HCN2: variants seen among roughly 807,000 people sequenced by gnomAD.
The protein encoded by HCN2 is potassium/sodium hyperpolarization-activated cyclic nucleotide-gated channel 2.
Under a neutral mutation model 52.3 loss-of-function variants are expected in HCN2, and 20 were observed. The observed-to-expected ratio is 0.38, with a 90% CI of 0.27 to 0.56. HCN2 has a LOEUF of 0.56. Ranked by LOEUF, HCN2 falls within the 20% of genes least tolerant of loss-of-function variation. HCN2 has a pLI of 0.71. For synonymous variants in HCN2, 694 were observed against 537.0 expected, an observed-to-expected ratio of 1.29 and a Z score of -4.04; for missense variants, 981 against 1,207.7, an observed-to-expected ratio of 0.81 and a Z score of 2.78.
At chr19:607,309 C>T (rs934772092) in intron 3 of HCN2, among the ~76,000 whole-genome samples, 1 of 152,276 alleles carries the variant, frequency 6.6e-6, no homozygotes, top group Non-Finnish European at 1.5e-5. Flanking sequence ...GCCTTTGTCC[C>T]TGCCTGGGGA....
chr19:616,069 G>A lies in HCN2; in HGVS notation c.2265G>A (p.Pro755=), dbSNP rs1404331766. 13 of 1,102,026 alleles carry A rather than the reference G, an allele frequency of 1.2e-5. No homozygotes were observed. The highest frequency in any genetic ancestry group is 1.4e-5 in the Non-Finnish European group (13 of 906,800). 68.3% of individuals were successfully genotyped at this position (1,102,026 alleles called of 1,614,324 possible). The change falls in exon 8 of 8, where the codon CCG becomes CCA. Residue 755 remains proline, a synonymous_variant. Coordinates refer to ENST00000251287, the MANE Select transcript of HCN2 (RefSeq NM_001194.4). Reference sequence around the variant, plus strand: ...TGGGGCCGCTGGCGCTCGGCTCGCCGCGCCTCGTGCGCCGCCCGCCCCCGG... The same window carrying A: ...TGGGGCCGCTGGCGCTCGGCTCGCCACGCCTCGTGCGCCGCCCGCCCCCGG... The part of the protein sequence containing the change: ...PLVGPLALGS[P]RLVRRPPPGP...
chr19:589,954 G>A lies in HCN2; in HGVS notation c.9G>A (p.Ala3=). Reference sequence around the variant, plus strand: ...CCCGGCGCCGCCTCGCCATGGACGCGCGCGGGGGCGGCGGGCGGCCCGGGG... The same window carrying A: ...CCCGGCGCCGCCTCGCCATGGACGCACGCGGGGGCGGCGGGCGGCCCGGGG... MD[A]RGGGGRPGES... The change falls in exon 1 of 8, where the codon GCG becomes GCA. Residue 3 remains alanine, a synonymous_variant. Transcript: ENST00000251287. The A allele has an allele frequency of 1.1e-6, 1 of 928,716 alleles. No individual in the cohort carries two copies. The highest frequency in any genetic ancestry group is 1.3e-6 in the Non-Finnish European group (1 of 792,292). The allele number at this position is 928,716 out of a possible 1,614,324, so 57.5% of individuals were successfully genotyped here.
chr19:608,196 G>A lies in HCN2; in HGVS notation c.1437+14G>A, dbSNP rs980482812. The A allele has an allele frequency of 6.2e-6, 10 of 1,610,068 alleles. No individual in the cohort carries two copies. The highest frequency in any genetic ancestry group is 1.7e-5 in the Admixed American group (1 of 59,972). ...TACCAGGAGAAGGTCTGAGGGAGGC[G>A]GGCCCCGGCCTGGGTTCTGATGGGG... is the stretch of plus-strand genomic sequence containing the variant. On this transcript the variant is annotated intron_variant, in intron 4 of 7. Transcript: ENST00000251287.
chr19:605,728 G>A (rs1455695177), intron 3 of HCN2, among the ~76,000 whole-genome samples: 1 of 113,322 alleles, frequency 8.8e-6, no homozygotes, highest in Non-Finnish European at 1.8e-5. Context: ...TGGAGGGGAG[G>A]ACTCGGGCCC....
At position 615,778 on chromosome 19, in the gene HCN2, C is replaced by T. The variant is rs775217922; in HGVS notation, c.1991-17C>T. The stretch of plus-strand genomic sequence containing the variant: ...CAGGCGCTCCCTGTGCACACGCTAA[C>T]GCCCCCTCTCCCGCAGGCAAGAAGA... On this transcript the variant is annotated splice_polypyrimidine_tract_variant and intron_variant, in intron 7 of 7. Transcript: ENST00000251287. 13 of 1,609,672 alleles carry T rather than the reference C, an allele frequency of 8.1e-6. No individual in the cohort carries two copies. The South Asian group carries it at 1.4e-4, about 18-fold the overall frequency.
At chr19:601,033 G>A (rs1026815718) in intron 1 of HCN2, among the ~76,000 whole-genome samples, 128 of 152,196 alleles carry the variant, frequency 8.4e-4, no homozygotes, top group African/African-American at 2.7e-3. Flanking sequence ...GGGCTCACAC[G>A]GCCGGGCGCA....
rs558082124 is a variant in HCN2 at position 592,862 on chromosome 19, G to A, written c.632+2285G>A. ...GCCTCTACGTTTGCAGCTGACTCAG[G>A]AGCCTGGCCCCAACTGGCTTCGGGC... On this transcript the variant is annotated intron_variant, in intron 1 of 7. Transcript: ENST00000251287. The surrounding 1 kb of genome is among the most constrained non-coding windows in gnomAD (Gnocchi z 4.8). Among the ~76,000 whole-genome samples the A allele has an allele frequency of 1.3e-5, 2 of 152,278 alleles. No homozygotes were observed. The highest frequency in any genetic ancestry group is 6.5e-5 in the Admixed American group (1 of 15,294).
At chr19:604,390 C>A (rs1024475096) in intron 2 of HCN2, among the ~76,000 whole-genome samples, 8 of 143,170 alleles carry the variant, frequency 5.6e-5, no homozygotes, top group East Asian at 4.3e-4. Context: ...AGAGCCAAGA[C>A]AGCAGGGGTG....
At position 616,952 on chromosome 19, in the gene HCN2, T is replaced by G. The variant is rs1314086659; in HGVS notation, c.*478T>G. ...GCCCCCGTCCGCGCGCGTCCCCCGG[T>G]GACCTCGGGGAGCAGCACCCCGCCT... On this transcript the variant is annotated 3_prime_UTR_variant, in exon 8 of 8. Coordinates refer to ENST00000251287, the MANE Select transcript of HCN2 (RefSeq NM_001194.4). 6 of 405,342 alleles carry G rather than the reference T, an allele frequency of 1.5e-5. No homozygotes were observed. The highest frequency in any genetic ancestry group is 2.4e-5 in the South Asian group (1 of 42,292). The allele number at this position is 405,342 out of a possible 1,614,324, so 25.1% of individuals were successfully genotyped here. A position where few individuals can be genotyped will look rare whatever the true frequency, so the allele number is the denominator to read the frequency against.
intron 2 of HCN2, 103 bp from the exon 3 acceptor site, chr19:604,958 G>T (rs1344365881): frequency 2.4e-6 from 3 of 1,265,922 alleles, no homozygotes; most frequent in Non-Finnish European, 3.2e-6. Flanking sequence ...GGATTTGGGG[G>T]AGGGGGCCAG....
Position 616,474 on chromosome 19 carries a change from A to G in HCN2, c.2670A>G (p.Ter890TrpextTer40). ...GCTCGCGCCTCTCGTCCAACTTGTGACCCTCGCCGACCGCCCCGCGGGCCC... is the reference window on the plus strand; with the variant it reads ...GCTCGCGCCTCTCGTCCAACTTGTGGCCCTCGCCGACCGCCCCGCGGGCCC... ...SARSRLSSNL* is the reference protein window; with the variant it reads ...SARSRLSSNLW The change falls in exon 8 of 8, where the codon TGA becomes TGG. Residue 890 changes from the stop codon to tryptophan, a stop_lost. Transcript: ENST00000251287. 8.2e-7 allele frequency: 1 copy of G among 1,217,864 alleles called. No homozygotes were observed. Among genetic ancestry groups the G allele is most frequent in the South Asian group, 2.4e-5 (1 of 41,866 alleles). 75.4% of individuals were successfully genotyped at this position (1,217,864 alleles called of 1,614,324 possible).
intron 7 of HCN2, among the ~76,000 whole-genome samples, 200 bp downstream of exon 7, chr19:614,216 C>T (rs2144534962): frequency 6.6e-6 from 1 of 152,282 alleles, no homozygotes; most frequent in East Asian, 1.9e-4. Flanking sequence ...GGGGCAGCGG[C>T]TGGCCGCTCC....
chr19:590,018 C>A lies in HCN2; in HGVS notation c.73C>A (p.Pro25Thr). 4 of 599,432 alleles carry A rather than the reference C, an allele frequency of 6.7e-6. No homozygotes were observed. The highest frequency in any genetic ancestry group is 7.4e-5 in the South Asian group (1 of 13,426). 37.1% of individuals were successfully genotyped at this position (599,432 alleles called of 1,614,324 possible). Residue 25 changes from proline (P) to threonine (T), a missense_variant, in exon 1 of 8, where the codon CCG becomes ACG. Transcript: ENST00000251287. This position sits in a 1 kb window ranked among gnomAD's most constrained non-coding sequence, Gnocchi z 7.2. ...GATPAPGPPPPPPPAPPQQQP... is the reference protein window; with the variant it reads ...GATPAPGPPPTPPPAPPQQQP... The stretch of plus-strand genomic sequence containing the variant: ...GACCCCCGCGCCGGGGCCGCCGCCG[C>A]CGCCGCCGCCCGCGCCCCCCCAACA...
chr19:603,503 G>A (rs201151762), intron 1 of HCN2, 41 bp from the exon 2 acceptor site: 269 of 1,532,624 alleles, frequency 1.8e-4, no homozygotes, highest in Middle Eastern at 7.3e-4. Flanking sequence ...CAGGTGCCCC[G>A]GGGAGGCACC....
chr19:593,449 G>A (rs890501897), intron 1 of HCN2, among the ~76,000 whole-genome samples: 3 of 152,052 alleles, frequency 2.0e-5, no homozygotes, highest in African/African-American at 4.8e-5. Flanking sequence ...AGATGATCCC[G>A]TCTCTACTAA....
intron 6 of HCN2, 32 bp downstream of exon 6, chr19:613,520 A>T: frequency 9.1e-6 from 3 of 328,398 alleles, no homozygotes; most frequent in Non-Finnish European, 1.6e-5. Flanking sequence ...CTGGAGGGGG[A>T]GGGGGCACGC....
chr19:598,665 G>A (rs924605755), intron 1 of HCN2, among the ~76,000 whole-genome samples: 4 of 151,900 alleles, frequency 2.6e-5, no homozygotes, highest in South Asian at 4.2e-4. Flanking sequence ...GCGATGGCGC[G>A]ATCTCGGCTC....
At chr19:610,613 G>A (rs961227478) in intron 5 of HCN2, among the ~76,000 whole-genome samples, 27 of 152,146 alleles carry the variant, frequency 1.8e-4, no homozygotes, top group Non-Finnish European at 3.4e-4. Context: ...CTTGCTTCCC[G>A]CTGCCCCCTT....
rs1163163291 is a variant in HCN2 at position 590,413 on chromosome 19, C to G, written c.468C>G (p.Arg156=). 1.0e-5 allele frequency: 14 copies of G among 1,373,726 alleles called. No individual in the cohort carries two copies. The highest frequency in any genetic ancestry group is 1.3e-5 in the Non-Finnish European group (14 of 1,050,010). 85.1% of individuals were successfully genotyped at this position (1,373,726 alleles called of 1,614,324 possible). ...SEEAGPAGEP[R]GSQASFMQRQ... The stretch of plus-strand genomic sequence containing the variant: ...AGGCGGGCCCGGCGGGGGAGCCGCG[C>G]GGCAGCCAGGCCAGCTTCATGCAGC... Residue 156 remains arginine, a synonymous_variant, in exon 1 of 8, where the codon CGC becomes CGG. Coordinates refer to ENST00000251287, the MANE Select transcript of HCN2 (RefSeq NM_001194.4). This position sits in a 1 kb window ranked among gnomAD's most constrained non-coding sequence, Gnocchi z 7.2.
Sources: gnomAD v4.1 joint callset for allele counts (sites outside exome capture counted in the v4.1 genomes callset) on GRCh38, gnomAD v4.1.1 for gene constraint, Gnocchi (gnomAD v3.1) non-coding constraint, MANE v1.5 for transcripts, NCBI Gene and HGNC (gene_info 2026-07-23, HGNC 2026-07-21) for gene names.